PAICS: variants seen among roughly 807,000 people sequenced by gnomAD.
The protein encoded by PAICS is bifunctional phosphoribosylaminoimidazole carboxylase/phosphoribosylaminoimidazole succinocarboxamide synthetase.
PAICS carries 33 observed loss-of-function variants against 53.7 expected under a neutral mutation model. That is an observed-to-expected ratio of 0.61 (90% CI 0.47 to 0.82). The LOEUF is 0.82. Ranked by LOEUF, PAICS falls within the 40% of genes least tolerant of loss-of-function variation. The pLI is 0.00. For synonymous variants in PAICS, 141 were observed against 167.2 expected (o/e 0.84, Z 1.21); for missense variants, 394 against 494.1 (o/e 0.80, Z 1.92).
rs2110104737 is a variant in PAICS, at chr4:56,461,606, C to T, written c.*2068C>T. The T allele has an allele frequency of 6.6e-6, 1 of 152,098 alleles. No homozygotes were observed. The highest frequency in any genetic ancestry group is 6.5e-5 in the Admixed American group (1 of 15,278). The allele number at this position is 152,098 out of a possible 1,614,324, so 9.4% of individuals were successfully genotyped here. ...TGGCATGATTATGGCTCCCTGCAGCCTTGAACTCCTGGACTCAAGCTGCAG... is the reference window on the plus strand; with the variant it reads ...TGGCATGATTATGGCTCCCTGCAGCTTTGAACTCCTGGACTCAAGCTGCAG... On this transcript the variant is annotated 3_prime_UTR_variant, in exon 9 of 9. Coordinates refer to ENST00000512576, the MANE Select transcript of PAICS (RefSeq NM_001079524.2).
At chr4:56,435,337 C>G (rs750095191), upstream of PAICS, 1 of 1,613,524 alleles carries the variant, frequency 6.2e-7, no homozygotes, top group Non-Finnish European at 8.5e-7. Flanking sequence ...GCCACCCCCA[C>G]CCTGTTGCTC....
intron 2 of PAICS, among the ~76,000 whole-genome samples, chr4:56,444,108 T>C (rs1237095228): frequency 2.6e-5 from 4 of 152,142 alleles, no homozygotes; most frequent in Admixed American, 1.3e-4. Flanking sequence ...TATTTAAAAC[T>C]GTTTTCTTTA....
chr4:56,418,549 G>A, the PAICS span, among the ~76,000 whole-genome samples: 2 of 151,942 alleles, frequency 1.3e-5, no homozygotes, highest in African/African-American at 4.8e-5. Flanking sequence ...CAACTCCTGA[G>A]CTCAGGCAAT....
Position 56,459,424 on chromosome 4 carries a change from T to A in PAICS, c.1164T>A (p.Ala388=). 1 of 1,608,650 alleles carries A rather than the reference T, an allele frequency of 6.2e-7. No individual in the cohort carries two copies. The highest frequency in any genetic ancestry group is 8.5e-7 in the Non-Finnish European group (1 of 1,175,772). The change falls in exon 9 of 9, where the codon GCT becomes GCA. Residue 388 remains alanine (A), a synonymous_variant. Coordinates refer to ENST00000512576, the MANE Select transcript of PAICS (RefSeq NM_001079524.2). The part of the protein sequence containing the change: ...LSPEGSAQFA[A]QIFGLSNHLV... ...CAGAAGGATCAGCTCAATTTGCTGC[T>A]CAGATATTTGGGTTAAGCAACCATT...
chr4:56,439,119 G>C lies in PAICS; in HGVS notation c.17-2544G>C, dbSNP rs558313709. Reference sequence around the variant, plus strand: ...AATTCCTTCCCTCTTTAATGACTAAGTAATACAGATTCAACTAAATTAAGG... The same window carrying C: ...AATTCCTTCCCTCTTTAATGACTAACTAATACAGATTCAACTAAATTAAGG... On this transcript the variant is annotated intron_variant, in intron 1 of 8. Transcript: ENST00000512576. 7.2e-5 allele frequency among the ~76,000 whole-genome samples: 11 copies of C among 152,212 alleles called. No homozygotes were observed. In the South Asian group the frequency reaches 2.3e-3, roughly 32 times the overall value.
chr4:56,432,803 ATC>A (rs1344450262), upstream of PAICS, among the ~76,000 whole-genome samples: 65 of 140,604 alleles, frequency 4.6e-4, no homozygotes, highest in South Asian at 4.5e-3. Flanking sequence ...AAAAAAAAAA[ATC>A]AAGAAGATAA....
chr4:56,419,579 A>G, the PAICS span: 1 of 651,298 alleles, frequency 1.5e-6, no homozygotes, highest in Non-Finnish European at 1.9e-6. Context: ...TGATGTATAT[A>G]ATGCATATAT....
intron 8 of PAICS, 78 bp downstream of exon 8, chr4:56,453,839 T>C: frequency 1.0e-6 from 1 of 988,888 alleles, no homozygotes; most frequent in African/African-American, 1.6e-5. Context: ...AATAGCATAA[T>C]AAAATCTCAT....
At chr4:56,437,080 C>T (rs1276036474) in intron 1 of PAICS, among the ~76,000 whole-genome samples, 1 of 147,896 alleles carries the variant, frequency 6.8e-6, no homozygotes, top group Non-Finnish European at 1.5e-5. Context: ...TGTGCACGCG[C>T]GCGTGAAGTA....
At chr4:56,448,922 A>G (rs1019653979) in intron 5 of PAICS, 99 bp downstream of exon 5, 6 of 667,886 alleles carry the variant, frequency 9.0e-6, no homozygotes, top group Non-Finnish European at 1.3e-5. Context: ...GTTCCTAATG[A>G]TATGAACCTG....
At chr4:56,456,706 G>GTTT (rs371211011) in intron 8 of PAICS, among the ~76,000 whole-genome samples, 135 of 135,486 alleles carry the variant, frequency 1.0e-3, no homozygotes, top group African/African-American at 3.4e-3. Flanking sequence ...TGCCTCTGGG[G>GTTT]TTTTTTTTTT....
the PAICS span, among the ~76,000 whole-genome samples, chr4:56,412,911 G>T: frequency 6.6e-6 from 1 of 151,906 alleles, no homozygotes; most frequent in Non-Finnish European, 1.5e-5. Context: ...TTAACATTTT[G>T]GTTGCATTAA....
chr4:56,438,371 T>TTTTA (rs869127756), intron 1 of PAICS, among the ~76,000 whole-genome samples: 2 of 113,636 alleles, frequency 1.8e-5, no homozygotes, highest in Non-Finnish European at 3.9e-5. Flanking sequence ...TGCAATGTGT[T>TTTTA]TATATATATA....
At chr4:56,436,832 C>A (rs1437790810) in intron 1 of PAICS, among the ~76,000 whole-genome samples, 1 of 151,806 alleles carries the variant, frequency 6.6e-6, no homozygotes, top group Non-Finnish European at 1.5e-5. Context: ...CCGTCTCTTA[C>A]TAAAAATACA....
chr4:56,435,556 C>T, upstream of PAICS: 1 of 1,604,792 alleles, frequency 6.2e-7, no homozygotes, highest in Non-Finnish European at 8.5e-7. Context: ...CTCGGCCCGT[C>T]GAGCTCAGAA....
the PAICS span, among the ~76,000 whole-genome samples, chr4:56,427,907 A>C: frequency 6.6e-6 from 1 of 152,166 alleles, no homozygotes; most frequent in East Asian, 1.9e-4. Context: ...CTTATACCTG[A>C]GTTGGTAGAG....
intron 7 of PAICS, among the ~76,000 whole-genome samples, chr4:56,452,978 A>G (rs1718992061): frequency 6.6e-6 from 1 of 152,186 alleles, no homozygotes; most frequent in Non-Finnish European, 1.5e-5. Flanking sequence ...AATGAATTCT[A>G]GAACTCTTTT....
upstream of PAICS, among the ~76,000 whole-genome samples, chr4:56,434,503 TAAGAA>T (rs1717790265): frequency 6.6e-6 from 1 of 152,226 alleles, no homozygotes; most frequent in African/African-American, 2.4e-5. Context: ...AGTCAGGTAG[TAAGAA>T]AAGGAAAGAT....
At chr4:56,441,459 A>G (rs994992456) in intron 1 of PAICS, among the ~76,000 whole-genome samples, 7 of 152,216 alleles carry the variant, frequency 4.6e-5, no homozygotes, top group African/African-American at 1.7e-4. Flanking sequence ...TATTTATGTA[A>G]TTAAAATTCT....
Sources: gnomAD v4.1 joint callset for allele counts (sites outside exome capture counted in the v4.1 genomes callset) on GRCh38, gnomAD v4.1.1 for gene constraint, MANE v1.5 for transcripts, NCBI Gene and HGNC (gene_info 2026-07-23, HGNC 2026-07-21) for gene names.